Variants in CSMD1 observed in about 807,000 individuals in gnomAD.
CSMD1 encodes the protein CUB and Sushi multiple domains 1.
In CSMD1, 213 loss-of-function variants were observed where a neutral mutation model predicts 417.5. The observed-to-expected ratio is 0.51, with a 90% CI of 0.46 to 0.57. The LOEUF is 0.57. CSMD1 is among the 20% of genes least tolerant of loss of function. The pLI is 0.00. For missense variants in CSMD1, 6,923 were observed against 4,529.7 expected (o/e 1.53, Z -15.17); for synonymous variants, 2,862 against 1,736.8 (o/e 1.65, Z -16.11).
intron 18 of CSMD1, among the ~76,000 whole-genome samples, chr8:3,385,742 TA>T (rs1192920933): frequency 6.6e-6 from 1 of 152,076 alleles, no homozygotes; most frequent in Admixed American, 6.6e-5. Flanking sequence ...AAGTTTAATG[TA>T]AAAAAATGAG....
chr8:4,222,677 C>G (rs1287981294), intron 3 of CSMD1, among the ~76,000 whole-genome samples: 1 of 152,162 alleles, frequency 6.6e-6, no homozygotes, highest in African/African-American at 2.4e-5. Context: ...TTCAGTAACA[C>G]AACTATTCAG....
At chr8:4,154,166 T>C (rs17069139) in intron 3 of CSMD1, among the ~76,000 whole-genome samples, 1 of 152,098 alleles carries the variant, frequency 6.6e-6, no homozygotes, top group Non-Finnish European at 1.5e-5. Flanking sequence ...ACACCTATGA[T>C]AGGAGATCTA....
intron 1 of CSMD1, among the ~76,000 whole-genome samples, chr8:4,875,585 C>A (rs928530545): frequency 6.6e-6 from 1 of 152,060 alleles, no homozygotes; most frequent in Non-Finnish European, 1.5e-5. Context: ...TGATTCGAAG[C>A]TGGTTTTGCC....
At chr8:4,546,956 A>C (rs537831040) in intron 2 of CSMD1, among the ~76,000 whole-genome samples, 36 of 152,212 alleles carry the variant, frequency 2.4e-4, no homozygotes, top group South Asian at 1.0e-3. Flanking sequence ...GGATAGCCTC[A>C]TTCACGTACA....
In CSMD1 at chr8:3,287,834, A is replaced by C. The variant is rs188816637; in HGVS notation, c.3951-3488T>G. Among the ~76,000 whole-genome samples the C allele has an allele frequency of 4.6e-5, 7 of 150,946 alleles. No individual in the cohort carries two copies. The East Asian group carries it at 1.4e-3, about 29-fold the overall frequency. Reference sequence around the variant, plus strand: ...GATTGCCCTGGCCAGAACTTCCAACACTATGTTGAATAGGACTGGTGAGAG... The same window carrying C: ...GATTGCCCTGGCCAGAACTTCCAACCCTATGTTGAATAGGACTGGTGAGAG... On this transcript the variant is annotated intron_variant, in intron 25 of 69. Coordinates refer to ENST00000635120, the MANE Select transcript of CSMD1 (RefSeq NM_033225.6).
At chr8:4,774,926 G>T (rs1241602866) in intron 1 of CSMD1, among the ~76,000 whole-genome samples, 1 of 152,160 alleles carries the variant, frequency 6.6e-6, no homozygotes, top group African/African-American at 2.4e-5. Context: ...CCAGCATGAT[G>T]TTCTCTGTAC....
chr8:3,341,243 C>T (rs182320600), intron 23 of CSMD1, among the ~76,000 whole-genome samples: 69 of 152,134 alleles, frequency 4.5e-4, no homozygotes, highest in African/African-American at 1.5e-3. Flanking sequence ...AGTTTCCATA[C>T]GGTCACACGG....
intron 3 of CSMD1, among the ~76,000 whole-genome samples, chr8:4,060,681 G>A (rs1448163213): frequency 1.3e-5 from 2 of 152,020 alleles, no homozygotes; most frequent in African/African-American, 4.8e-5. Flanking sequence ...ACATAGATAA[G>A]GCCTGAGAAA....
chr8:3,391,132 C>T (rs1159863807), intron 17 of CSMD1, among the ~76,000 whole-genome samples: 1 of 151,760 alleles, frequency 6.6e-6, no homozygotes, highest in African/African-American at 2.4e-5. Context: ...CGACCACTCT[C>T]CTTTCCTTTT....
intron 2 of CSMD1, among the ~76,000 whole-genome samples, chr8:4,543,440 TAA>T (rs757795821): frequency 2.6e-5 from 4 of 152,130 alleles, no homozygotes; most frequent in Non-Finnish European, 5.9e-5. Flanking sequence ...ATTGTGCAGT[TAA>T]GTTTCCTCCA....
At chr8:3,685,266 T>G (rs76886942) in intron 7 of CSMD1, among the ~76,000 whole-genome samples, 226 of 152,338 alleles carry the variant, frequency 1.5e-3, no homozygotes, top group African/African-American at 5.2e-3. Context: ...TCAGGGCTAA[T>G]TGTACCCATT....
chr8:4,091,170 C>T (rs1410173817), intron 3 of CSMD1, among the ~76,000 whole-genome samples: 4 of 151,992 alleles, frequency 2.6e-5, no homozygotes, highest in East Asian at 1.9e-4. Context: ...CCACATGGCT[C>T]GGCCTCCCAA....
intron 2 of CSMD1, among the ~76,000 whole-genome samples, chr8:4,435,229 T>C (rs1256088046): frequency 6.6e-6 from 1 of 152,154 alleles, no homozygotes; most frequent in African/African-American, 2.4e-5. Context: ...TTTGGAAAAT[T>C]AAACCTTGAA....
At chr8:3,424,925 C>A (rs1040819608) in intron 12 of CSMD1, among the ~76,000 whole-genome samples, 1 of 152,166 alleles carries the variant, frequency 6.6e-6, no homozygotes, top group Non-Finnish European at 1.5e-5. Context: ...ATCTCAGGCT[C>A]CTGGGCTCAA....
rs115195208 is a variant in CSMD1 at position 4,649,330 on chromosome 8, T to G, written c.86-11772A>C. On this transcript the variant is annotated intron_variant, in intron 1 of 69. Transcript: ENST00000635120. ...CTACCTACAGTAATGATTGTGAACA[T>G]TGACAGAGTACCTATTATAAGGTAA... 5.5e-3 allele frequency among the ~76,000 whole-genome samples: 831 copies of G among 152,298 alleles called. 8 individuals carry two copies. The highest frequency in any genetic ancestry group is 0.019 in the African/African-American group (797 of 41,560).
At chr8:4,252,306 T>C (rs1279880125) in intron 3 of CSMD1, among the ~76,000 whole-genome samples, 2 of 152,208 alleles carry the variant, frequency 1.3e-5, no homozygotes, top group South Asian at 2.1e-4. Context: ...CACTCCAACA[T>C]TTGTGCAACA....
chr8:3,716,948 A>T (rs1335242084), intron 6 of CSMD1, among the ~76,000 whole-genome samples: 1 of 152,194 alleles, frequency 6.6e-6, no homozygotes, highest in East Asian at 1.9e-4. Context: ...ATGTTATAAG[A>T]TTTATGCTAC....
intron 3 of CSMD1, among the ~76,000 whole-genome samples, chr8:4,344,314 C>G (rs532619328): frequency 1.3e-5 from 2 of 152,046 alleles, no homozygotes; most frequent in African/African-American, 4.8e-5. Context: ...ACATTTCAGA[C>G]GTGGCCTTCA....
In CSMD1 at chr8:3,179,651, G is replaced by A. The variant is rs192460915; in HGVS notation, c.5725+1459C>T. Among the ~76,000 whole-genome samples, 211 of 152,256 alleles carry A rather than the reference G, an allele frequency of 1.4e-3. 2 individuals are homozygous for A. Among genetic ancestry groups the A allele is most frequent in the Middle Eastern group, 0.01 (3 of 294 alleles). ...AAGGAATAAAAACCCAGATGCTACA[G>A]GATAACTTTGAGAATGATAAGAGCA... On this transcript the variant is annotated intron_variant, in intron 37 of 69. Transcript: ENST00000635120.
Sources: gnomAD v4.1 joint callset for allele counts (sites outside exome capture counted in the v4.1 genomes callset) on GRCh38, gnomAD v4.1.1 for gene constraint, MANE v1.5 for transcripts, NCBI Gene and HGNC (gene_info 2026-07-23, HGNC 2026-07-21) for gene names.